The following KCNAB2 variants were observed in gnomAD, a reference collection of about 807,000 sequenced individuals.
KCNAB2 encodes the protein voltage-gated potassium channel subunit beta-2.
A neutral mutation model predicts 63.6 loss-of-function variants in KCNAB2; 29 were observed. The observed-to-expected ratio is 0.46, with a 90% CI of 0.34 to 0.62. The LOEUF (loss-of-function observed/expected upper bound fraction) is 0.62. Ranked by LOEUF, KCNAB2 falls within the 20% of genes least tolerant of loss-of-function variation. The pLI, the probability that KCNAB2 is intolerant of heterozygous loss-of-function variation, is 0.01. For synonymous variants in KCNAB2, 222 were observed against 224.2 expected, an observed-to-expected ratio of 0.99 and a Z score of 0.09; for missense variants, 359 against 563.9, an observed-to-expected ratio of 0.64 and a Z score of 3.68.
At chr1:6,044,148 A>G (rs1660730371), upstream of KCNAB2, among the ~76,000 whole-genome samples, 3 of 152,206 alleles carry the variant, frequency 2.0e-5, no homozygotes, top group Admixed American at 2.0e-4. Context: ...ACCAGCCCAC[A>G]GTCAAGGGGC....
chr1:6,018,173 C>G (rs1658624379), intron 1 of KCNAB2, among the ~76,000 whole-genome samples: 1 of 151,084 alleles, frequency 6.6e-6, no homozygotes, highest in Admixed American at 6.6e-5. Flanking sequence ...TCAAGCAATC[C>G]TCCCACCACA....
intron 1 of KCNAB2, among the ~76,000 whole-genome samples, chr1:6,019,946 G>A (rs1346258088): frequency 6.6e-6 from 1 of 152,200 alleles, no homozygotes; most frequent in Non-Finnish European, 1.5e-5. Context: ...TGAAAGTTAT[G>A]AGGAAGCTGG....
At chr1:6,097,398 GC>G in intron 15 of KCNAB2, 41 bp downstream of exon 15, 1 of 1,549,204 alleles carries the variant, frequency 6.5e-7, no homozygotes, top group South Asian at 1.2e-5. Flanking sequence ...GCCCATCCCA[GC>G]CCGAGCCCCG....
intron 1 of KCNAB2, among the ~76,000 whole-genome samples, chr1:6,015,655 T>G (rs1658452167): frequency 6.6e-6 from 1 of 152,242 alleles, no homozygotes; most frequent in Non-Finnish European, 1.5e-5. Context: ...TTTGCTATGC[T>G]AATATTGATT....
intron 5 of KCNAB2, among the ~76,000 whole-genome samples, chr1:6,084,964 G>A (rs1006401101): frequency 5.3e-5 from 8 of 152,204 alleles, no homozygotes; most frequent in Non-Finnish European, 7.3e-5. Context: ...GCTTAGACAC[G>A]TGTCTGCAGG....
chr1:6,096,150 C>T lies in KCNAB2; in HGVS notation c.949-486C>T, dbSNP rs1455289291. On this transcript the variant is annotated intron_variant, in intron 13 of 15. Transcript: ENST00000378083. This position sits in a 1 kb window ranked among gnomAD's most constrained non-coding sequence, Gnocchi z 5.9. The stretch of plus-strand genomic sequence containing the variant: ...CAGTCTCAGCACTGGGGCCCACAGC[C>T]CTGGGTTCCAGGGCAACGTGGCCTG... 1.7e-5 allele frequency: 8 copies of T among 457,604 alleles called. No homozygotes were observed. The East Asian group carries it at 5.5e-4, about 32-fold the overall frequency. The allele number at this position is 457,604 out of a possible 1,614,324, so 28.3% of individuals were successfully genotyped here.
chr1:5,998,865 T>C (rs990218772), intron 1 of KCNAB2, among the ~76,000 whole-genome samples: 2 of 152,282 alleles, frequency 1.3e-5, no homozygotes, highest in Non-Finnish European at 2.9e-5. Flanking sequence ...TCCAAGCTAC[T>C]AGGCGCAGGA....
At chr1:6,014,247 AT>A (rs1483273165) in intron 1 of KCNAB2, among the ~76,000 whole-genome samples, 9 of 152,038 alleles carry the variant, frequency 5.9e-5, no homozygotes, top group Non-Finnish European at 1.3e-4. Context: ...CACTTCCTGG[AT>A]GTCCCTGGAC....
At chr1:6,013,649 T>G (rs1658321020) in intron 1 of KCNAB2, among the ~76,000 whole-genome samples, 3 of 152,102 alleles carry the variant, frequency 2.0e-5, no homozygotes, top group Admixed American at 2.0e-4. Context: ...CCTGCACCCC[T>G]GTCTTCCCCC....
At chr1:6,092,604 G>A (rs970517633) in intron 10 of KCNAB2, among the ~76,000 whole-genome samples, 5 of 152,248 alleles carry the variant, frequency 3.3e-5, no homozygotes, top group African/African-American at 9.6e-5. Flanking sequence ...AAACCACAAG[G>A]CCGGGCAGGC....
At position 6,055,192 on chromosome 1, in the gene KCNAB2, G is replaced by T. The variant is rs116601895; in HGVS notation, c.218+3438G>T. On this transcript the variant is annotated intron_variant, in intron 2 of 15. Coordinates refer to ENST00000378083, the MANE Select transcript of KCNAB2 (RefSeq NM_001199862.2). ...TTTGGGGATCTTTGTAATGGCAGCCGCAGGGAACTAACACAGGTGGAGAGA... is the reference window on the plus strand; with the variant it reads ...TTTGGGGATCTTTGTAATGGCAGCCTCAGGGAACTAACACAGGTGGAGAGA... 3.2e-3 allele frequency among the ~76,000 whole-genome samples: 491 copies of T among 152,234 alleles called. 7 individuals are homozygous for T. Among genetic ancestry groups the T allele is most frequent in the African/African-American group, 0.011 (461 of 41,546 alleles).
Position 6,091,299 on chromosome 1 carries a change from T to C in KCNAB2, c.638T>C (p.Ile213Thr). Residue 213 changes from isoleucine to threonine, a missense_variant, in exon 10 of 16, where the codon ATC becomes ACC. Physicochemically the swap from Ile to Thr is moderately conservative, Grantham distance 89. Around this residue, in one of 2 missense-constraint regions of KCNAB2, gnomAD observed 271 missense variants for 476.1 expected, o/e 0.57. Transcript: ENST00000378083. ...AGTTCCTCCAAGTCAAGGACATTCATCATAGAAGGTACACAGTGCCCCCAG... is the reference window on the plus strand; with the variant it reads ...AGTTCCTCCAAGTCAAGGACATTCACCATAGAAGGTACACAGTGCCCCCAG... The part of the protein sequence containing the change: ...PFSSSKSRTF[I>T]IEETVRAMTH... The C allele has an allele frequency of 6.5e-7, 1 of 1,532,558 alleles. No homozygotes were observed. The highest frequency in any genetic ancestry group is 1.2e-5 in the South Asian group (1 of 83,994). The allele number at this position is 1,532,558 out of a possible 1,614,324, so 94.9% of individuals were successfully genotyped here. A position where few individuals can be genotyped will look rare whatever the true frequency, so the allele number is the denominator to read the frequency against.
chr1:6,022,250 T>C (rs910694298), intron 1 of KCNAB2, among the ~76,000 whole-genome samples: 3 of 151,444 alleles, frequency 2.0e-5, no homozygotes, highest in Non-Finnish European at 4.4e-5. Context: ...GGTAGTTCAG[T>C]GGTATTGAGT....
intron 12 of KCNAB2, 34 bp downstream of exon 12, chr1:6,095,477 C>G: frequency 6.2e-7 from 1 of 1,611,994 alleles, no homozygotes; most frequent in Non-Finnish European, 8.5e-7. Flanking sequence ...CCCGCCCCAC[C>G]CCACCCCTGC....
At position 6,096,623 on chromosome 1, in the gene KCNAB2, C is replaced by A. The variant is rs1200110724; in HGVS notation, c.949-13C>A. 1 of 1,608,096 alleles carries A rather than the reference C, an allele frequency of 6.2e-7. No individual in the cohort carries two copies. Among genetic ancestry groups the A allele is most frequent in the African/African-American group, 1.3e-5 (1 of 74,982 alleles). On this transcript the variant is annotated splice_polypyrimidine_tract_variant and intron_variant, in intron 13 of 15. Coordinates refer to ENST00000378083, the MANE Select transcript of KCNAB2 (RefSeq NM_001199862.2). The surrounding 1 kb of genome is among the most constrained non-coding windows in gnomAD (Gnocchi z 5.9). ...TCATCTGTAGCTGTGCTGCTCCCCT[C>A]CCCCGCAACCAGGGCTACCAGTGGC...
chr1:6,005,478 C>G (rs1279487581), intron 1 of KCNAB2, among the ~76,000 whole-genome samples: 1 of 151,228 alleles, frequency 6.6e-6, no homozygotes, highest in Non-Finnish European at 1.5e-5. Flanking sequence ...ACGTGGCAGC[C>G]CAGCTGAGGG....
intron 1 of KCNAB2, among the ~76,000 whole-genome samples, chr1:6,036,547 G>A (rs1043971968): frequency 7.9e-5 from 12 of 152,192 alleles, no homozygotes; most frequent in African/African-American, 2.9e-4. Context: ...CTTTGGAGAT[G>A]AGAGAAATAA....
chr1:6,016,432 A>G (rs1384157744), intron 1 of KCNAB2, among the ~76,000 whole-genome samples: 1 of 152,218 alleles, frequency 6.6e-6, no homozygotes, highest in Non-Finnish European at 1.5e-5. Flanking sequence ...GAACATGTCA[A>G]TGTGTCCACC....
At chr1:6,005,815 G>A (rs1356171691) in intron 1 of KCNAB2, among the ~76,000 whole-genome samples, 1 of 151,854 alleles carries the variant, frequency 6.6e-6, no homozygotes, top group Non-Finnish European at 1.5e-5. Flanking sequence ...CCCCTGGCAG[G>A]GACCACGGGT....
Sources: gnomAD v4.1 joint callset for allele counts (sites outside exome capture counted in the v4.1 genomes callset) on GRCh38, gnomAD v4.1.1 for gene constraint, gnomAD v4.1.1 regional missense constraint, Gnocchi (gnomAD v3.1) non-coding constraint, MANE v1.5 for transcripts, NCBI Gene and HGNC (gene_info 2026-07-23, HGNC 2026-07-21) for gene names.